Variants in ATOSA observed in about 807,000 individuals in gnomAD.
ATOSA encodes the protein atos homolog A.
chr15:52,648,834 T>C, the ATOSA span: 1 of 152,140 alleles, frequency 6.6e-6, no homozygotes, highest in Non-Finnish European at 1.5e-5. Context: ...TCCTCAAATT[T>C]ATAATTTTAC....
chr15:52,587,170 G>T, the ATOSA span: 1 of 1,613,460 alleles, frequency 6.2e-7, no homozygotes, highest in South Asian at 1.1e-5. Flanking sequence ...TGTTCCTGAA[G>T]GAGGTACTCG....
At chr15:52,703,890 A>T in the ATOSA span, among the ~76,000 whole-genome samples, 1 of 152,180 alleles carries the variant, frequency 6.6e-6, no homozygotes. Context: ...TACACACAAT[A>T]GAGTACTATA....
chr15:52,651,582 TCA>T, the ATOSA span, among the ~76,000 whole-genome samples: 2 of 152,232 alleles, frequency 1.3e-5, no homozygotes, highest in African/African-American at 4.8e-5. Context: ...CTCATTTCTA[TCA>T]CATTTTTTCC....
the ATOSA span, chr15:52,593,702 C>T: frequency 6.4e-7 from 1 of 1,556,602 alleles, no homozygotes; most frequent in South Asian, 1.2e-5. Context: ...ATCAACAATG[C>T]CGAGAGGATC....
At chr15:52,602,651 G>A in the ATOSA span, among the ~76,000 whole-genome samples, 13 of 152,068 alleles carry the variant, frequency 8.5e-5, no homozygotes, top group Admixed American at 7.2e-4. Flanking sequence ...CCTACCATGT[G>A]TGGCTTAGAT....
At chr15:52,597,276 T>C in the ATOSA span, among the ~76,000 whole-genome samples, 1 of 151,936 alleles carries the variant, frequency 6.6e-6, no homozygotes, top group African/African-American at 2.4e-5. Context: ...TATTCTAATG[T>C]AGTTACCCAA....
chr15:52,595,150 A>C, the ATOSA span, among the ~76,000 whole-genome samples: 8 of 152,208 alleles, frequency 5.3e-5, no homozygotes, highest in African/African-American at 1.9e-4. Flanking sequence ...TCCTCAGTAA[A>C]GCTTTCCTCA....
At chr15:52,596,270 T>C in the ATOSA span, among the ~76,000 whole-genome samples, 1 of 152,206 alleles carries the variant, frequency 6.6e-6, no homozygotes, top group Non-Finnish European at 1.5e-5. Flanking sequence ...TGTATTAATG[T>C]AGGCCAAACA....
chr15:52,600,594 C>T, the ATOSA span, among the ~76,000 whole-genome samples: 1 of 152,042 alleles, frequency 6.6e-6, no homozygotes, highest in African/African-American at 2.4e-5. Context: ...TTTATAAACA[C>T]ACATACACAC....
the ATOSA span, among the ~76,000 whole-genome samples, chr15:52,628,199 C>A: frequency 1.3e-5 from 2 of 151,986 alleles, no homozygotes; most frequent in South Asian, 4.1e-4. Context: ...ACTCTTAAGA[C>A]GATTATGAAC....
chr15:52,625,896 T>C, the ATOSA span, among the ~76,000 whole-genome samples: 1,847 of 152,300 alleles, frequency 0.012, 22 homozygotes, highest in African/African-American at 0.034. Context: ...GTCAACCAGC[T>C]CTGCTACTTG....
chr15:52,692,092 C>T, the ATOSA span, among the ~76,000 whole-genome samples: 1 of 152,108 alleles, frequency 6.6e-6, no homozygotes, highest in Non-Finnish European at 1.5e-5. Flanking sequence ...CCCCCAAAAA[C>T]ATAAGAAATA....
At chr15:52,593,542 T>G in the ATOSA span, 1 of 1,512,784 alleles carries the variant, frequency 6.6e-7, no homozygotes, top group Non-Finnish European at 8.9e-7. Flanking sequence ...AGTTGGTTGA[T>G]TTGGCAGGAA....
chr15:52,611,981 G>C, the ATOSA span, among the ~76,000 whole-genome samples: 383 of 152,022 alleles, frequency 2.5e-3, 3 homozygotes, highest in East Asian at 0.02. Flanking sequence ...GATTAGTAAT[G>C]AACATTTATT....
the ATOSA span, among the ~76,000 whole-genome samples, chr15:52,705,779 T>C: frequency 0.73 from 110,691 of 152,034 alleles, 40,639 homozygotes; most frequent in East Asian, 0.93. Context: ...TCCCAAGTAA[T>C]CACTATTCTC....
At chr15:52,600,960 G>C in the ATOSA span, 3 of 656,820 alleles carry the variant, frequency 4.6e-6, no homozygotes, top group African/African-American at 5.6e-5. Context: ...GTGTGTACAT[G>C]GTATCATACT....
the ATOSA span, among the ~76,000 whole-genome samples, chr15:52,617,984 T>A: frequency 1.3e-5 from 2 of 151,776 alleles, no homozygotes; most frequent in African/African-American, 4.8e-5. Context: ...ATGTATATGA[T>A]CTCCCCAAAT....
the ATOSA span, among the ~76,000 whole-genome samples, chr15:52,652,503 T>C: frequency 6.6e-6 from 1 of 152,144 alleles, no homozygotes; most frequent in Admixed American, 6.6e-5. Flanking sequence ...TACCTGGAAC[T>C]TTATATAAAG....
At chr15:52,696,696 T>C in the ATOSA span, among the ~76,000 whole-genome samples, 1 of 152,180 alleles carries the variant, frequency 6.6e-6, no homozygotes, top group Non-Finnish European at 1.5e-5. Context: ...CAAGGTATCA[T>C]TTATATGCAT....
Sources: allele counts gnomAD v4.1 joint callset (sites outside exome capture counted in the v4.1 genomes callset), GRCh38; gene constraint gnomAD v4.1.1; transcripts MANE v1.5; gene names NCBI Gene and HGNC (gene_info 2026-07-23, HGNC 2026-07-21).